Variants in CFAP99 observed in about 807,000 individuals in gnomAD.
CFAP99 encodes cilia- and flagella-associated protein 99.
Under a neutral mutation model 82.7 loss-of-function variants are expected in CFAP99, and 84 were observed. The ratio of observed to expected loss-of-function variants is 1.02; its 90% CI spans 0.85 to 1.22. The LOEUF (loss-of-function observed/expected upper bound fraction) is 1.22, where lower values mean the gene tolerates loss of function less well. CFAP99 is among the 50% of genes most tolerant of loss of function. CFAP99 has a pLI of 0.00. For synonymous variants in CFAP99, 456 were observed against 429.5 expected (o/e 1.06, Z -0.76); for missense variants, 1,059 against 983.5 (o/e 1.08, Z -1.03).
rs567911512 is a variant in CFAP99, at chr4:2,458,898, C to T, written c.1303+34C>T. On this transcript the variant is annotated intron_variant, in intron 12 of 14. Coordinates refer to ENST00000635017, the Ensembl canonical transcript of CFAP99. Reference sequence around the variant, plus strand: ...GAGCCAGATGTCACTGGCCCTACCCCGCTCTTCCCCACTCGGGTGCTGGGC... The same window carrying T: ...GAGCCAGATGTCACTGGCCCTACCCTGCTCTTCCCCACTCGGGTGCTGGGC... The T allele has an allele frequency of 1.4e-4, 215 of 1,518,274 alleles. 1 individual carries two copies. The highest frequency in any genetic ancestry group is 1.2e-3 in the South Asian group (99 of 81,632). 94.1% of individuals were successfully genotyped at this position (1,518,274 alleles called of 1,614,324 possible). A position where few individuals can be genotyped will look rare whatever the true frequency, so the allele number is the denominator to read the frequency against.
At chr4:2,429,823 C>T (rs1389121570) in intron 2 of CFAP99, among the ~76,000 whole-genome samples, 3 of 152,144 alleles carry the variant, frequency 2.0e-5, no homozygotes, top group Non-Finnish European at 4.4e-5. Context: ...GATCTCCTGA[C>T]CTTGTGATCC....
Position 2,448,194 on chromosome 4 carries a change from A to G in CFAP99, c.643-1476A>G, listed in dbSNP as rs973910395. Among the ~76,000 whole-genome samples, 16 of 152,168 alleles carry G rather than the reference A, an allele frequency of 1.1e-4. No homozygotes were observed. The highest frequency in any genetic ancestry group is 3.9e-4 in the African/African-American group (16 of 41,430). ...GCAACCCCACAGTTGCCCCATCTGT[A>G]TAATCTTCAGCATTTCTGACCCCAT... On this transcript the variant is annotated intron_variant, in intron 6 of 14. Transcript: ENST00000635017. This position sits in a 1 kb window ranked among gnomAD's most constrained non-coding sequence, Gnocchi z 5.2.
chr4:2,453,486 C>T (rs1734348798), intron 11 of CFAP99, among the ~76,000 whole-genome samples: 1 of 152,162 alleles, frequency 6.6e-6, no homozygotes, highest in East Asian at 1.9e-4. Context: ...ATCTTCACTC[C>T]ACCAAAGTGT....
chr4:2,451,951 C>A (rs1189267604), intron 10 of CFAP99, among the ~76,000 whole-genome samples, 191 bp from the exon 11 acceptor site: 2 of 150,236 alleles, frequency 1.3e-5, no homozygotes, highest in African/African-American at 2.5e-5. Context: ...TGGGTGGACG[C>A]ACAGAAAGGG....
At chr4:2,456,262 G>C (rs1734430653) in intron 11 of CFAP99, among the ~76,000 whole-genome samples, 1 of 151,906 alleles carries the variant, frequency 6.6e-6, no homozygotes. Flanking sequence ...CAAACTCCCA[G>C]CCTTATGTGA....
chr4:2,431,735 C>T (rs1733806030), intron 2 of CFAP99, among the ~76,000 whole-genome samples: 1 of 123,946 alleles, frequency 8.1e-6, no homozygotes. Context: ...TGGGAAAAGT[C>T]ACTTTATTAT....
chr4:2,433,592 A>C (rs1267344042), intron 2 of CFAP99, among the ~76,000 whole-genome samples: 2 of 151,980 alleles, frequency 1.3e-5, no homozygotes, highest in Admixed American at 6.5e-5. Flanking sequence ...CCCCCTCTCC[A>C]TGCCCAGCCT....
At chr4:2,454,814 G>A (rs1354776170) in intron 11 of CFAP99, among the ~76,000 whole-genome samples, 1 of 150,060 alleles carries the variant, frequency 6.7e-6, no homozygotes, top group African/African-American at 2.5e-5. Context: ...TAGAGACAAG[G>A]TTTCACCATG....
chr4:2,460,064 A>C (rs939000454), exon 14 of CFAP99: 2 of 1,536,018 alleles, frequency 1.3e-6, no homozygotes, highest in South Asian at 2.4e-5. Context: ...GGAAGGAGAG[A>C]TGTCCATAGT....
At chr4:2,427,956 G>A (rs1000493401) in intron 2 of CFAP99, 46 of 152,316 alleles carry the variant, frequency 3.0e-4, no homozygotes, top group African/African-American at 1.1e-3. Flanking sequence ...GCAGGGGCTG[G>A]AGAGGGGAGC....
At chr4:2,440,508 T>C (rs1734011941) in intron 4 of CFAP99, among the ~76,000 whole-genome samples, 1 of 151,580 alleles carries the variant, frequency 6.6e-6, no homozygotes. Flanking sequence ...TCCCAAAACT[T>C]TGGGAGGCCA....
At chr4:2,456,771 G>A (rs1043560150) in intron 11 of CFAP99, among the ~76,000 whole-genome samples, 7 of 151,878 alleles carry the variant, frequency 4.6e-5, no homozygotes, top group East Asian at 1.9e-4. Flanking sequence ...TGCCTGCCTC[G>A]GCCTCCCAAA....
chr4:2,445,840 A>G (rs1002166199), intron 6 of CFAP99, among the ~76,000 whole-genome samples: 5 of 152,216 alleles, frequency 3.3e-5, no homozygotes, highest in African/African-American at 1.2e-4. Context: ...GATAGGCTTC[A>G]GGCATACGTG....
chr4:2,437,288 C>T (rs1578469876), intron 3 of CFAP99, among the ~76,000 whole-genome samples: 1 of 152,222 alleles, frequency 6.6e-6, no homozygotes, highest in African/African-American at 2.4e-5. Context: ...CCGGACAACA[C>T]GAGAGCCTTC....
In CFAP99 at chr4:2,445,306, C is replaced by T. The variant is rs980849909; in HGVS notation, c.640C>T (p.Pro214Ser). ...AGTCCCGGTCGTGGCCAAGCCGAGA[C>T]CCGTGAGTGTGGGCATTCTCAGCAG... Residue 214 changes from proline (P) to serine (S), a missense_variant and splice_region_variant, in exon 6 of 15, where the codon CCC becomes TCC. Pro to Ser is a moderately conservative substitution (Grantham distance 74, BLOSUM62 -1). Transcript: ENST00000635017. 3 of 1,340,838 alleles carry T rather than the reference C, an allele frequency of 2.2e-6. No homozygotes were observed. In the African/African-American group the frequency reaches 4.5e-5, roughly 20 times the overall value. 83.1% of individuals were successfully genotyped at this position (1,340,838 alleles called of 1,614,324 possible).
intron 14 of CFAP99, among the ~76,000 whole-genome samples, chr4:2,461,627 T>C (rs1164226909): frequency 6.6e-6 from 1 of 152,162 alleles, no homozygotes; most frequent in Non-Finnish European, 1.5e-5. Flanking sequence ...TCCAAAGGTC[T>C]ACCTCCTGCT....
chr4:2,450,920 C>T lies in CFAP99; in HGVS notation c.796-27C>T, dbSNP rs930229900. ...GCACCCAGCAGGCACAGGTGCCAGG[C>T]GGCCAGCTCTGCCCTGACTCCTGCA... On this transcript the variant is annotated intron_variant, in intron 8 of 14. Coordinates refer to ENST00000635017, the Ensembl canonical transcript of CFAP99. 21 of 1,533,184 alleles carry T rather than the reference C, an allele frequency of 1.4e-5. No homozygotes were observed. In the East Asian group the frequency reaches 2.9e-4, roughly 21 times the overall value. The allele number at this position is 1,533,184 out of a possible 1,614,324, so 95.0% of individuals were successfully genotyped here.
intron 1 of CFAP99, among the ~76,000 whole-genome samples, chr4:2,419,947 C>G (rs1237351487): frequency 6.6e-6 from 1 of 152,130 alleles, no homozygotes; most frequent in African/African-American, 2.4e-5. Context: ...TCCTCTGAAG[C>G]TCTTTATCAA....
chr4:2,459,629 G>A (rs1254853655), intron 13 of CFAP99, among the ~76,000 whole-genome samples: 1 of 152,234 alleles, frequency 6.6e-6, no homozygotes, highest in Non-Finnish European at 1.5e-5. Flanking sequence ...GCAGGAGGTT[G>A]AGGAGGGCCT....
Sources: gnomAD v4.1 joint callset for allele counts (sites outside exome capture counted in the v4.1 genomes callset) on GRCh38, gnomAD v4.1.1 for gene constraint, Gnocchi (gnomAD v3.1) non-coding constraint, MANE v1.5 for transcripts, NCBI Gene and HGNC (gene_info 2026-07-23, HGNC 2026-07-21) for gene names.